LRP1B: variants seen among roughly 807,000 people sequenced by gnomAD.
LRP1B encodes LDL receptor related protein 1B.
LRP1B carries 217 observed loss-of-function variants against 556.6 expected under a neutral mutation model. That is an observed-to-expected ratio of 0.39 (90% CI 0.35 to 0.44). LRP1B has a LOEUF of 0.44. Ranked by LOEUF, LRP1B falls within the 20% of genes least tolerant of loss-of-function variation. LRP1B has a pLI of 1.00. For synonymous variants in LRP1B, 2,047 were observed against 1,865.8 expected, an observed-to-expected ratio of 1.10 and a Z score of -2.50; for missense variants, 5,053 against 5,620.8, an observed-to-expected ratio of 0.90 and a Z score of 3.23.
intron 1 of LRP1B, among the ~76,000 whole-genome samples, chr2:142,052,537 G>A (rs1159101903): frequency 2.0e-5 from 3 of 152,004 alleles, no homozygotes; most frequent in Non-Finnish European, 4.4e-5. Flanking sequence ...TACTTAATAT[G>A]TCATGTGTGG....
At chr2:140,581,201 C>G (rs1681748095) in intron 43 of LRP1B, among the ~76,000 whole-genome samples, 2 of 152,150 alleles carry the variant, frequency 1.3e-5, no homozygotes, top group African/African-American at 4.8e-5. Context: ...GCATAATTGT[C>G]AAAATGACTT....
At chr2:140,257,310 A>G (rs899938806) in intron 86 of LRP1B, among the ~76,000 whole-genome samples, 1 of 152,194 alleles carries the variant, frequency 6.6e-6, no homozygotes, top group Non-Finnish European at 1.5e-5. Flanking sequence ...GACAAAATAA[A>G]TGGATAAACA....
intron 66 of LRP1B, among the ~76,000 whole-genome samples, chr2:140,409,333 TTTGAAAAAATA>T (rs1684876165): frequency 6.6e-6 from 1 of 151,964 alleles, no homozygotes; most frequent in African/African-American, 2.4e-5. Context: ...CAAATTTATC[TTTGAAAAAATA>T]TTGAAAAAGT....
chr2:141,986,928 A>G (rs1702206390), intron 1 of LRP1B, among the ~76,000 whole-genome samples: 1 of 152,014 alleles, frequency 6.6e-6, no homozygotes, highest in Admixed American at 6.6e-5. Flanking sequence ...ATAGTGCTTC[A>G]AGCCTGTGTT....
intron 2 of LRP1B, among the ~76,000 whole-genome samples, chr2:141,775,875 C>CTCTG (rs1185560261): frequency 1.4e-5 from 2 of 142,912 alleles, no homozygotes; most frequent in Non-Finnish European, 3.0e-5. Flanking sequence ...CGGAGTCTTG[C>CTCTG]TCTGTCACCC....
At chr2:141,668,260 G>A (rs1690519941) in intron 2 of LRP1B, among the ~76,000 whole-genome samples, 1 of 151,946 alleles carries the variant, frequency 6.6e-6, no homozygotes. Flanking sequence ...TATTTATATT[G>A]ATACGGACAG....
chr2:141,746,295 C>T (rs895122010), intron 2 of LRP1B, among the ~76,000 whole-genome samples: 7 of 152,068 alleles, frequency 4.6e-5, no homozygotes, highest in African/African-American at 9.7e-5. Flanking sequence ...CCCACAGTGA[C>T]GGGGCTTGCT....
At chr2:141,466,650 T>C (rs1262806609) in intron 3 of LRP1B, among the ~76,000 whole-genome samples, 1 of 152,042 alleles carries the variant, frequency 6.6e-6, no homozygotes, top group Non-Finnish European at 1.5e-5. Context: ...CCTCCTGGAA[T>C]GTGGATGTGA....
chr2:141,005,345 T>G lies in LRP1B; in HGVS notation c.2493A>C (p.Thr831=). 6.2e-7 allele frequency: 1 copy of G among 1,609,948 alleles called. No individual in the cohort carries two copies. The highest frequency in any genetic ancestry group is 2.2e-5 in the East Asian group (1 of 44,584). The change falls in exon 15 of 91, where the codon ACA becomes ACC. Residue 831 remains threonine, a synonymous_variant. Transcript: ENST00000389484. ...ADNQLLDENG[T]TCTFNPGEAL... ...TTGAAAAGAACTTACATGTGCAAGTTGTCCCATTTTCATCCAAAAGTTGAT... is the reference window on the plus strand; with the variant it reads ...TTGAAAAGAACTTACATGTGCAAGTGGTCCCATTTTCATCCAAAAGTTGAT...
At chr2:140,453,435 A>G (rs548282934) in intron 62 of LRP1B, among the ~76,000 whole-genome samples, 30 of 152,176 alleles carry the variant, frequency 2.0e-4, no homozygotes, top group African/African-American at 5.5e-4. Context: ...GCTAAATATA[A>G]ATATAAAATA....
At chr2:141,919,287 TCA>T (rs1162991791) in intron 1 of LRP1B, among the ~76,000 whole-genome samples, 2 of 152,058 alleles carry the variant, frequency 1.3e-5, no homozygotes, top group African/African-American at 4.8e-5. Flanking sequence ...TGCTATATTT[TCA>T]CACACAGTTT....
intron 7 of LRP1B, among the ~76,000 whole-genome samples, chr2:141,067,847 G>T (rs1479936203): frequency 6.6e-6 from 1 of 151,896 alleles, no homozygotes; most frequent in African/African-American, 2.4e-5. Context: ...AAGGTGATCT[G>T]GTAGCATGGG....
At chr2:140,811,240 C>T (rs1424256514) in intron 32 of LRP1B, among the ~76,000 whole-genome samples, 2 of 152,140 alleles carry the variant, frequency 1.3e-5, no homozygotes, top group East Asian at 3.9e-4. Flanking sequence ...ATTACGATCT[C>T]ATTCAAATTT....
intron 1 of LRP1B, among the ~76,000 whole-genome samples, chr2:142,026,470 A>G (rs974437298): frequency 1.3e-5 from 2 of 152,082 alleles, no homozygotes; most frequent in Non-Finnish European, 2.9e-5. Flanking sequence ...GCTTTTCCAA[A>G]TCGTCATTTC....
intron 2 of LRP1B, among the ~76,000 whole-genome samples, chr2:141,482,277 T>C (rs1166324023): frequency 6.6e-6 from 1 of 152,156 alleles, no homozygotes; most frequent in East Asian, 1.9e-4. Flanking sequence ...TTTCTCTCAA[T>C]GTTTTGTGTT....
At chr2:141,740,809 T>G (rs1475967172) in intron 2 of LRP1B, among the ~76,000 whole-genome samples, 1 of 152,138 alleles carries the variant, frequency 6.6e-6, no homozygotes, top group East Asian at 1.9e-4. Flanking sequence ...CTCTGGCTCT[T>G]AATCCACAAG....
intron 59 of LRP1B, among the ~76,000 whole-genome samples, chr2:140,480,145 A>T (rs970678621): frequency 2.0e-5 from 3 of 152,224 alleles, no homozygotes; most frequent in Non-Finnish European, 4.4e-5. Context: ...AGCTAAAAAC[A>T]GTCATATGAT....
At chr2:141,690,432 TATATATATAA>T (rs1476060008) in intron 2 of LRP1B, among the ~76,000 whole-genome samples, 1 of 130,436 alleles carries the variant, frequency 7.7e-6, no homozygotes, top group Non-Finnish European at 1.7e-5. Context: ...TATATATATA[TATATATATAA>T]TTACAAATAT....
At chr2:140,421,527 T>A (rs1685443614) in intron 66 of LRP1B, among the ~76,000 whole-genome samples, 1 of 152,206 alleles carries the variant, frequency 6.6e-6, no homozygotes, top group African/African-American at 2.4e-5. Context: ...ACAAAATAAT[T>A]CTTTGTCTTA....
Sources: gnomAD v4.1 joint callset for allele counts (sites outside exome capture counted in the v4.1 genomes callset) on GRCh38, gnomAD v4.1.1 for gene constraint, MANE v1.5 for transcripts, NCBI Gene and HGNC (gene_info 2026-07-23, HGNC 2026-07-21) for gene names.